The following SLC2A2 variants were observed in gnomAD, a reference collection of about 807,000 sequenced individuals.
SLC2A2 encodes the protein solute carrier family 2, facilitated glucose transporter member 2.
In SLC2A2, 36 loss-of-function variants were observed where a neutral mutation model predicts 54.5. The ratio of observed to expected loss-of-function variants is 0.66; its 90% CI spans 0.51 to 0.87. The LOEUF (loss-of-function observed/expected upper bound fraction) is 0.87. SLC2A2 is among the 40% of genes least tolerant of loss of function. The pLI, the probability that SLC2A2 is intolerant of heterozygous loss-of-function variation, is 0.00. For synonymous variants in SLC2A2, 223 were observed against 219.1 expected (o/e 1.02, Z -0.16); for missense variants, 543 against 624.3 (o/e 0.87, Z 1.39).
At chr3:171,011,414 C>T (rs1390460681) in intron 3 of SLC2A2, among the ~76,000 whole-genome samples, 1 of 152,100 alleles carries the variant, frequency 6.6e-6, no homozygotes, top group African/African-American at 2.4e-5. Context: ...GAAGGGGCCA[C>T]AAGCCAGAGA....
rs121909744 is a variant in SLC2A2 at position 170,998,317 on chromosome 3, G to A, written c.1250C>T (p.Pro417Leu). The change falls in exon 10 of 11, where the codon CCG (proline) becomes CTG (leucine). Residue 417 changes from proline (P) to leucine (L), a missense_variant. Physicochemically the swap from Pro to Leu is moderately conservative, Grantham distance 98. Transcript: ENST00000314251. ...FVSFFEIGPG[P>L]IPWFMVAEFF... ...CTCAGCCACCATGAACCAGGGGATC[G>A]GGCCTGGCCCAATTTCAAAGAAGCT... 8.7e-6 allele frequency: 14 copies of A among 1,613,606 alleles called. No homozygotes were observed. The highest frequency in any genetic ancestry group is 6.7e-5 in the Admixed American group (4 of 59,894).
intron 1 of SLC2A2, 105 bp downstream of exon 1, chr3:171,026,551 G>T: frequency 1.1e-6 from 1 of 888,310 alleles, no homozygotes; most frequent in South Asian, 1.3e-5. Context: ...ATTTTGATCT[G>T]TGGTAGCTAC....
At position 171,014,460 on chromosome 3, in the gene SLC2A2, TTTGCCTACC is replaced by T. The variant is rs1560039746; in HGVS notation, c.371_371+8del. ...TTTCTGTTTATGCTTATTTATGAAA[TTTGCCTACC>T]TTCCAAGTGTGTCCCCAAGCCACCC... On this transcript the variant is annotated splice_donor_variant and splice_donor_5th_base_variant and coding_sequence_variant and intron_variant, in exon 3 of 11. Transcript: ENST00000314251. LOFTEE classifies it high-confidence loss of function. 3 of 1,613,910 alleles carry T rather than the reference TTTGCCTACC, an allele frequency of 1.9e-6. No individual in the cohort carries two copies. The highest frequency in any genetic ancestry group is 2.5e-6 in the Non-Finnish European group (3 of 1,179,808).
At chr3:170,999,305 G>A in intron 8 of SLC2A2, 139 bp from the exon 9 acceptor site, 1 of 697,252 alleles carries the variant, frequency 1.4e-6, no homozygotes. Flanking sequence ...CCATTTTACA[G>A]GAGTGAGATC....
At chr3:171,025,673 T>G (rs562044886) in intron 1 of SLC2A2, among the ~76,000 whole-genome samples, 1 of 152,150 alleles carries the variant, frequency 6.6e-6, no homozygotes, top group African/African-American at 2.4e-5. Flanking sequence ...CAGCTAACCA[T>G]GCCATCTAAT....
At chr3:171,010,906 G>A (rs1040041465) in intron 3 of SLC2A2, among the ~76,000 whole-genome samples, 13 of 152,040 alleles carry the variant, frequency 8.6e-5, no homozygotes, top group Non-Finnish European at 1.5e-4. Flanking sequence ...ATGGGAAAGC[G>A]AGGTACACAG....
chr3:170,999,103 C>G lies in SLC2A2; in HGVS notation c.1132G>C (p.Val378Leu). ...CCCACTGACATGAAGATGGCACAAA[C>G]AAACATCCCACTCATTCCAATTAGA... is the stretch of plus-strand genomic sequence containing the variant. ...LFLIGMSGMF[V>L]CAIFMSVGLV... Residue 378 changes from valine (V) to leucine (L), a missense_variant, in exon 9 of 11, where the codon GTT becomes CTT. Val to Leu is a conservative substitution (Grantham distance 32). Transcript: ENST00000314251. 6.2e-7 allele frequency: 1 copy of G among 1,613,114 alleles called. No individual in the cohort carries two copies. Among genetic ancestry groups the G allele is most frequent in the Non-Finnish European group, 8.5e-7 (1 of 1,179,254 alleles).
intron 3 of SLC2A2, among the ~76,000 whole-genome samples, chr3:171,013,360 T>G (rs965728796): frequency 6.6e-6 from 1 of 152,128 alleles, no homozygotes; most frequent in Admixed American, 6.6e-5. Flanking sequence ...GTATTTAAAG[T>G]TCAACTGAAC....
In SLC2A2 at chr3:170,997,155, TG is replaced by T. The variant is rs978066781; in HGVS notation, c.*747del. The stretch of plus-strand genomic sequence containing the variant: ...GGAATCAACATGGTTTTATAATAGA[TG>T]TTAATGTTAACTGATAACCCACGCT... On this transcript the variant is annotated 3_prime_UTR_variant, in exon 11 of 11. Transcript: ENST00000314251. 6.6e-6 allele frequency: 1 copy of T among 152,404 alleles called. No individual in the cohort carries two copies. Among genetic ancestry groups the T allele is most frequent in the African/African-American group, 2.4e-5 (1 of 41,460 alleles). The allele number at this position is 152,404 out of a possible 1,614,324, so 9.4% of individuals were successfully genotyped here.
At position 171,018,558 on chromosome 3, in the gene SLC2A2, G is replaced by A; in HGVS notation, c.81C>T (p.Asp27=). The change falls in exon 2 of 11, where the codon GAC becomes GAT. Residue 27 remains aspartate (D), a synonymous_variant. Transcript: ENST00000314251. ...GTTGAGGTGCATTGATCACACCAAT[G>A]TCATATCCAAACTGGAAGGAACCCA... is the stretch of plus-strand genomic sequence containing the variant. ...AVLGSFQFGY[D]IGVINAPQQV... is the part of the protein sequence containing the mutation. 1 of 1,613,672 alleles carries A rather than the reference G, an allele frequency of 6.2e-7. No individual in the cohort carries two copies. Among genetic ancestry groups the A allele is most frequent in the Non-Finnish European group, 8.5e-7 (1 of 1,179,592 alleles).
chr3:171,018,535 T>G lies in SLC2A2; in HGVS notation c.104A>C (p.Gln35Pro). The G allele has an allele frequency of 6.2e-7, 1 of 1,605,272 alleles. No individual in the cohort carries two copies. Among genetic ancestry groups the G allele is most frequent in the Non-Finnish European group, 8.5e-7 (1 of 1,171,900 alleles). Residue 35 changes from glutamine to proline, a missense_variant, in exon 2 of 11, where the codon CAA becomes CCA. This residue lies in a region of SLC2A2 where 318 missense variants were observed against 343.8 expected (regional missense o/e 0.93). Coordinates refer to ENST00000314251, the MANE Select transcript of SLC2A2 (RefSeq NM_000340.2). ...ACTTCTACATATTTCACTTGCCTGT[T>G]GAGGTGCATTGATCACACCAATGTC... ...GYDIGVINAP[Q>P]QVIISHYRHV...
At chr3:171,004,364 A>G (rs1290543938) in intron 7 of SLC2A2, among the ~76,000 whole-genome samples, 1 of 152,016 alleles carries the variant, frequency 6.6e-6, no homozygotes, top group East Asian at 1.9e-4. Context: ...ATTAATAAAA[A>G]TAAACATCAA....
At chr3:171,007,289 T>G (rs1416639671) in intron 4 of SLC2A2, 26 bp from the exon 5 acceptor site, 1 of 1,350,806 alleles carries the variant, frequency 7.4e-7, no homozygotes, top group Non-Finnish European at 1.1e-6. Flanking sequence ...ACATAAATGT[T>G]AAAGTGCAAC....
At chr3:171,009,562 G>A (rs1879442) in intron 4 of SLC2A2, among the ~76,000 whole-genome samples, 57,792 of 151,804 alleles carry the variant, frequency 0.38, 12,749 homozygotes, top group African/African-American at 0.62. Flanking sequence ...TAATAACAAC[G>A]GCTAGCATTT....
intron 9 of SLC2A2, 65 bp from the exon 10 acceptor site, chr3:170,998,461 G>T: frequency 7.5e-7 from 1 of 1,331,448 alleles, no homozygotes. Flanking sequence ...CTTTAGCTAA[G>T]TAGCCTCTGA....
chr3:171,011,066 G>T (rs1329486103), intron 3 of SLC2A2, among the ~76,000 whole-genome samples: 1 of 152,014 alleles, frequency 6.6e-6, no homozygotes, highest in Non-Finnish European at 1.5e-5. Context: ...CCTTTTCCAT[G>T]CAAGTATCTT....
At chr3:171,007,730 T>A (rs895477567) in intron 4 of SLC2A2, among the ~76,000 whole-genome samples, 3 of 152,014 alleles carry the variant, frequency 2.0e-5, no homozygotes, top group Non-Finnish European at 2.9e-5. Context: ...GAGAACAGCA[T>A]GCCCTATCTG....
At chr3:171,016,420 A>G (rs559190916) in intron 2 of SLC2A2, among the ~76,000 whole-genome samples, 2 of 152,346 alleles carry the variant, frequency 1.3e-5, no homozygotes, top group South Asian at 4.1e-4. Flanking sequence ...ACTTTGTCTC[A>G]AAAAACTAAA....
chr3:171,015,607 G>A (rs1716114693), intron 2 of SLC2A2, among the ~76,000 whole-genome samples: 1 of 152,184 alleles, frequency 6.6e-6, no homozygotes, highest in African/African-American at 2.4e-5. Context: ...GACTGGGAAA[G>A]TTAAGATGAG....
Sources: allele counts gnomAD v4.1 joint callset (sites outside exome capture counted in the v4.1 genomes callset), GRCh38; gene constraint gnomAD v4.1.1; regional missense constraint gnomAD v4.1.1; transcripts MANE v1.5; gene names NCBI Gene and HGNC (gene_info 2026-07-23, HGNC 2026-07-21).